GGCX: variants seen among roughly 807,000 people sequenced by gnomAD.
GGCX encodes gamma-glutamyl carboxylase, also known as vitamin K-dependent gamma-carboxylase.
In GGCX, 63 loss-of-function variants were observed where a neutral mutation model predicts 88.5. The ratio of observed to expected loss-of-function variants is 0.71; its 90% CI spans 0.58 to 0.88. The LOEUF is 0.88. Among genes scored for constraint, GGCX ranks in the 40% least tolerant of loss-of-function variants. The pLI, the probability that GGCX is intolerant of heterozygous loss-of-function variation, is 0.00. For synonymous variants in GGCX, 368 were observed against 365.8 expected, an observed-to-expected ratio of 1.01 and a Z score of -0.07; for missense variants, 805 against 932.9, an observed-to-expected ratio of 0.86 and a Z score of 1.79.
Position 85,550,965 on chromosome 2 carries a change from T to C in GGCX, c.1848A>G (p.Ala616=), listed in dbSNP as rs780909266. 15 of 1,614,148 alleles carry C rather than the reference T, an allele frequency of 9.3e-6. No individual in the cohort carries two copies. Among genetic ancestry groups the C allele is most frequent in the Admixed American group, 5.0e-5 (3 of 60,032 alleles). Residue 616 remains alanine (A), a synonymous_variant, in exon 13 of 15, where the codon GCA becomes GCG. Coordinates refer to ENST00000233838, the MANE Select transcript of GGCX (RefSeq NM_000821.7). ...CCTTTTCCTTTAATTCTTGCAGATATGCCAGGTCTTGCTCCAGTGCAAGCT... is the reference window on the plus strand; with the variant it reads ...CCTTTTCCTTTAATTCTTGCAGATACGCCAGGTCTTGCTCCAGTGCAAGCT... The part of the protein sequence containing the change: ...TTELALEQDL[A]YLQELKEKVE...
In GGCX at chr2:85,548,797, T is replaced by C. The variant is rs1691790592; in HGVS notation, c.*1137A>G. ...CCCTTGTATACCCCAACCTACAAAA[T>C]GTCTAAGCATTCCCTAATCCCTTAC... On this transcript the variant is annotated 3_prime_UTR_variant, in exon 15 of 15. Coordinates refer to ENST00000233838, the MANE Select transcript of GGCX (RefSeq NM_000821.7). The C allele has an allele frequency of 6.6e-6, 1 of 152,212 alleles. No individual in the cohort carries two copies. The highest frequency in any genetic ancestry group is 2.1e-4 in the South Asian group (1 of 4,836). 9.4% of individuals were successfully genotyped at this position (152,212 alleles called of 1,614,324 possible).
At chr2:85,561,299 G>A (rs1573334525) in intron 1 of GGCX, 87 bp downstream of exon 1, 1 of 774,634 alleles carries the variant, frequency 1.3e-6, no homozygotes, top group Non-Finnish European at 2.1e-6. Context: ...CGCCTCACCG[G>A]GAGACACTGG....
Position 85,561,490 on chromosome 2 carries a change from A to C in GGCX, c.-62T>G. 2 of 1,257,752 alleles carry C rather than the reference A, an allele frequency of 1.6e-6. No individual in the cohort carries two copies. The highest frequency in any genetic ancestry group is 1.3e-5 in the South Asian group (1 of 77,660). The allele number at this position is 1,257,752 out of a possible 1,614,324, so 77.9% of individuals were successfully genotyped here. On this transcript the variant is annotated 5_prime_UTR_variant, in exon 1 of 15. Transcript: ENST00000233838. The stretch of plus-strand genomic sequence containing the variant: ...CGTCTGAACGGAGGCCGCCAGGAGA[A>C]TTTGCTTCCCTAGGCTCCGCCTCCC...
At position 85,550,683 on chromosome 2, in the gene GGCX, T is replaced by C; in HGVS notation, c.1956A>G (p.Pro652=). 2.5e-6 allele frequency: 4 copies of C among 1,614,134 alleles called. No individual in the cohort carries two copies. Among genetic ancestry groups the C allele is most frequent in the Non-Finnish European group, 3.4e-6 (4 of 1,179,988 alleles). Residue 652 remains proline (P), a synonymous_variant, in exon 14 of 15, where the codon CCA becomes CCG. Transcript: ENST00000233838. The part of the protein sequence containing the change: ...LEGEVKGGPE[P]TPLVQTFLRR... ...TAAGAAAGGTCTGAACCAGAGGTGT[T>C]GGCTCAGGGCCCCCTTTTACTTCCC...
chr2:85,560,335 C>T (rs556443291), intron 2 of GGCX, among the ~76,000 whole-genome samples: 1 of 152,188 alleles, frequency 6.6e-6, no homozygotes, highest in Non-Finnish European at 1.5e-5. Context: ...ACCTGTAATC[C>T]CAGCACTTTG....
Position 85,551,511 on chromosome 2 carries a change from T to G in GGCX, c.1709A>C (p.Asn570Thr). ...VTVELVAEQK[N>T]QTLREGEKMQ... The stretch of plus-strand genomic sequence containing the variant: ...TTTTTCTCCCTCTCGAAGAGTCTGG[T>G]TCTTCTGTTCTGCCACAAGCTCCAC... The change falls in exon 12 of 15, where the codon AAC (asparagine) becomes ACC (threonine). Residue 570 changes from asparagine (N) to threonine (T), a missense_variant. Transcript: ENST00000233838. 3.1e-6 allele frequency: 5 copies of G among 1,614,098 alleles called. No homozygotes were observed. The highest frequency in any genetic ancestry group is 4.2e-6 in the Non-Finnish European group (5 of 1,179,974).
intron 4 of GGCX, among the ~76,000 whole-genome samples, chr2:85,558,085 C>G (rs956804558): frequency 1.3e-5 from 2 of 152,218 alleles, no homozygotes; most frequent in Non-Finnish European, 2.9e-5. Flanking sequence ...TGGACTCACA[C>G]AGAGAAAGTC....
In GGCX at chr2:85,545,606, C is replaced by T. The variant is rs997659203; in HGVS notation, c.*4328G>A. 2 of 151,784 alleles carry T rather than the reference C, an allele frequency of 1.3e-5. No homozygotes were observed. The highest frequency in any genetic ancestry group is 4.9e-5 in the African/African-American group (2 of 41,068). 9.4% of individuals were successfully genotyped at this position (151,784 alleles called of 1,614,324 possible). ...TTAAAAGCCTAAGCAAGATTTAGTC[C>T]TCCTAGTCCACTTAAGCCAAAATTC... On this transcript the variant is annotated 3_prime_UTR_variant, in exon 15 of 15. Coordinates refer to ENST00000233838, the MANE Select transcript of GGCX (RefSeq NM_000821.7).
At position 85,551,859 on chromosome 2, in the gene GGCX, C is replaced by T. The variant is rs1691968649; in HGVS notation, c.1562G>A (p.Ser521Asn). Residue 521 changes from serine (S) to asparagine (N), a missense_variant, in exon 11 of 15, where the codon AGC becomes AAC. By Grantham distance (46) the Ser-to-Asn change is conservative (BLOSUM62 1). Transcript: ENST00000233838. ...CACCTCAGTGTGGTTGTCTAGGCTG[C>T]TCTTGATTTCCTGTAACTTGGCCCT... is the stretch of plus-strand genomic sequence containing the variant. ...PWRAKLQEIKSSLDNHTEVVF... is the reference protein window; with the variant it reads ...PWRAKLQEIKNSLDNHTEVVF... 3 of 1,613,912 alleles carry T rather than the reference C, an allele frequency of 1.9e-6. No individual in the cohort carries two copies. Among genetic ancestry groups the T allele is most frequent in the Non-Finnish European group, 2.5e-6 (3 of 1,179,782 alleles).
At position 85,550,024 on chromosome 2, in the gene GGCX, C is replaced by T; in HGVS notation, c.2187G>A (p.Glu729=). The T allele has an allele frequency of 6.2e-7, 1 of 1,612,446 alleles. No homozygotes were observed. The highest frequency in any genetic ancestry group is 8.5e-7 in the Non-Finnish European group (1 of 1,178,630). Residue 729 remains glutamate (E), a synonymous_variant, in exon 15 of 15, where the codon GAG becomes GAA. Coordinates refer to ENST00000233838, the MANE Select transcript of GGCX (RefSeq NM_000821.7). The part of the protein sequence containing the change: ...EVTYANLRPF[E]AVGELNPSNT... ...TTGAGGGATTCAGTTCTCCAACTGC[C>T]TCAAAGGGTCTCAAGTTTGCATAAG...
In GGCX at chr2:85,556,206, C is replaced by A; in HGVS notation, c.594G>T (p.Trp198Cys). 6.2e-7 allele frequency: 1 copy of A among 1,612,506 alleles called. No homozygotes were observed. Among genetic ancestry groups the A allele is most frequent in the Non-Finnish European group, 8.5e-7 (1 of 1,178,504 alleles). ...AHRRNAHVPL[W>C]NYAVLRGQIF... ...CCTGGCCACGGAGCACTGCATAGTT[C>A]CAAAGGGGCACGTGGGCATTCCTCC... is the stretch of plus-strand genomic sequence containing the variant. The change falls in exon 5 of 15, where the codon TGG becomes TGT. Residue 198 changes from tryptophan to cysteine, a missense_variant. By Grantham distance (215) the Trp-to-Cys change is radical. Coordinates refer to ENST00000233838, the MANE Select transcript of GGCX (RefSeq NM_000821.7).
At position 85,558,900 on chromosome 2, in the gene GGCX, C is replaced by T. The variant is rs752849454; in HGVS notation, c.373+17G>A. 1.2e-6 allele frequency: 2 copies of T among 1,610,946 alleles called. No homozygotes were observed. The highest frequency in any genetic ancestry group is 1.3e-5 in the African/African-American group (1 of 74,838). On this transcript the variant is annotated intron_variant, in intron 3 of 14. Transcript: ENST00000233838. ...GTTTCTGGCAGGCCAGTCAATATTT[C>T]CCACAGTTCCCCTCACCCAGAAACA...
intron 7 of GGCX, 81 bp downstream of exon 7, chr2:85,554,062 C>T: frequency 9.0e-7 from 1 of 1,116,838 alleles, no homozygotes; most frequent in Non-Finnish European, 1.4e-6. Context: ...ACCACCCTCT[C>T]CCACTCCCAA....
rs1311090666 is a variant in GGCX, at chr2:85,549,379, A to ATTTG, written c.*554_*555insCAAA. On this transcript the variant is annotated 3_prime_UTR_variant, in exon 15 of 15. Coordinates refer to ENST00000233838, the MANE Select transcript of GGCX (RefSeq NM_000821.7). ...TCCCCAAGAGCCACTTTATTTATTT[A>ATTTG]TTTTGAGACGAAGTCTTGCTCTGTT... The ATTTG allele has an allele frequency of 1.9e-5, 3 of 159,902 alleles. No homozygotes were observed. Among genetic ancestry groups the ATTTG allele is most frequent in the Non-Finnish European group, 4.1e-5 (3 of 72,704 alleles). 9.9% of individuals were successfully genotyped at this position (159,902 alleles called of 1,614,324 possible).
In GGCX at chr2:85,556,405, T is replaced by A; in HGVS notation, c.540-145A>T. 13 of 680,892 alleles carry A rather than the reference T, an allele frequency of 1.9e-5. No homozygotes were observed. The South Asian group carries it at 2.1e-4, about 11-fold the overall frequency. 42.2% of individuals were successfully genotyped at this position (680,892 alleles called of 1,614,324 possible). A position where few individuals can be genotyped will look rare whatever the true frequency, so the allele number is the denominator to read the frequency against. On this transcript the variant is annotated intron_variant, in intron 4 of 14. Transcript: ENST00000233838. ...TATTCTGAGACCTTTTAGAATTATA[T>A]GAGCAAATTCTAACATGATTATACA...
Position 85,554,183 on chromosome 2 carries a change from C to T in GGCX, c.849G>A (p.Val283=). 1 of 1,613,176 alleles carries T rather than the reference C, an allele frequency of 6.2e-7. No individual in the cohort carries two copies. The highest frequency in any genetic ancestry group is 1.1e-5 in the South Asian group (1 of 91,066). Residue 283 remains valine (V), a synonymous_variant, in exon 7 of 15, where the codon GTG becomes GTA. Coordinates refer to ENST00000233838, the MANE Select transcript of GGCX (RefSeq NM_000821.7). ...DVSRSIGLFF[V]SYFHCMNSQL... is the part of the protein sequence containing the mutation. ...GGGAATTCATGCAGTGGAAGTAGGA[C>T]ACAAAGAACAGGCCAATGGATCTTG...
Position 85,549,080 on chromosome 2 carries a change from T to G in GGCX, c.*854A>C, listed in dbSNP as rs987657469. ...CATTTACAACCTGACCACCATCCAA[T>G]TATACTTTTAATTAAGAAAACATGT... On this transcript the variant is annotated 3_prime_UTR_variant, in exon 15 of 15. Coordinates refer to ENST00000233838, the MANE Select transcript of GGCX (RefSeq NM_000821.7). 2.0e-5 allele frequency: 3 copies of G among 152,184 alleles called. No individual in the cohort carries two copies. Among genetic ancestry groups the G allele is most frequent in the African/African-American group, 4.8e-5 (2 of 41,432 alleles). The allele number at this position is 152,184 out of a possible 1,614,324, so 9.4% of individuals were successfully genotyped here. A position where few individuals can be genotyped will look rare whatever the true frequency, so the allele number is the denominator to read the frequency against.
In GGCX at chr2:85,549,846, T is replaced by C. The variant is rs1400279101; in HGVS notation, c.*88A>G. The C allele has an allele frequency of 4.9e-6, 4 of 822,242 alleles. No individual in the cohort carries two copies. Among genetic ancestry groups the C allele is most frequent in the African/African-American group, 3.6e-5 (2 of 56,018 alleles). 50.9% of individuals were successfully genotyped at this position (822,242 alleles called of 1,614,324 possible). A position where few individuals can be genotyped will look rare whatever the true frequency, so the allele number is the denominator to read the frequency against. ...CCCCCCAAAAAAAAAAAAAAAACTT[T>C]TGAGAATTTTTTTCAAATAAATGTC... On this transcript the variant is annotated 3_prime_UTR_variant, in exon 15 of 15. Coordinates refer to ENST00000233838, the MANE Select transcript of GGCX (RefSeq NM_000821.7).
Position 85,552,954 on chromosome 2 carries a change from GC to G in GGCX, c.1271del (p.Gly424AlafsTer21). The G allele has an allele frequency of 6.2e-7, 1 of 1,614,198 alleles. No individual in the cohort carries two copies. On this transcript the variant is annotated frameshift_variant, in exon 9 of 15. Coordinates refer to ENST00000233838, the MANE Select transcript of GGCX (RefSeq NM_000821.7). LOFTEE classifies it high-confidence loss of function. ...GACATCTCACCCCAGGGTTAAGGTAGCCCAGTTCGCCAGTGCGGCCATCACG... is the reference window on the plus strand; with the variant it reads ...GACATCTCACCCCAGGGTTAAGGTAGCCAGTTCGCCAGTGCGGCCATCACG... ...TYRDGRTGELGYLNPGVFTQS... is the reference protein window; with the variant it reads ...TYRDGRTGELXYLNPGVFTQS...
Sources: allele counts gnomAD v4.1 joint callset (sites outside exome capture counted in the v4.1 genomes callset), GRCh38; gene constraint gnomAD v4.1.1; transcripts MANE v1.5; gene names NCBI Gene and HGNC (gene_info 2026-07-23, HGNC 2026-07-21).